Variants in MON2 observed in about 807,000 individuals in gnomAD.
MON2 encodes the protein protein MON2 homolog.
Under a neutral mutation model 208.6 loss-of-function variants are expected in MON2, and 84 were observed. The observed-to-expected ratio is 0.40, with a 90% CI of 0.34 to 0.48. The LOEUF (loss-of-function observed/expected upper bound fraction) is 0.48, where lower values mean the gene tolerates loss of function less well. Ranked by LOEUF, MON2 falls within the 20% of genes least tolerant of loss-of-function variation. The pLI, the probability that MON2 is intolerant of heterozygous loss-of-function variation, is 0.59. For missense variants in MON2, 1,611 were observed against 2,015.4 expected, an observed-to-expected ratio of 0.80 and a Z score of 3.84; for synonymous variants, 660 against 694.0, an observed-to-expected ratio of 0.95 and a Z score of 0.77.
At position 62,537,182 on chromosome 12, in the gene MON2, G is replaced by A; in HGVS notation, c.1932G>A (p.Met644Ile). Reference sequence around the variant, plus strand: ...CCGTTCAGGGCCAAAGTGTTATGATGATAAGTCCATCAAGTGAATCTCACC... The same window carrying A: ...CCGTTCAGGGCCAAAGTGTTATGATAATAAGTCCATCAAGTGAATCTCACC... ...SYSVQGQSVM[M>I]ISPSSESHQQ... The change falls in exon 15 of 35, where the codon ATG (methionine) becomes ATA (isoleucine). Residue 644 changes from methionine (M) to isoleucine (I), a missense_variant. Met to Ile is a conservative substitution (Grantham distance 10). Coordinates refer to ENST00000393630, the MANE Select transcript of MON2 (RefSeq NM_015026.3). The A allele has an allele frequency of 6.2e-7, 1 of 1,613,040 alleles. No individual in the cohort carries two copies.
Position 62,556,125 on chromosome 12 carries a change from G to T in MON2, c.3342G>T (p.Thr1114=). 6.2e-7 allele frequency: 1 copy of T among 1,614,026 alleles called. No homozygotes were observed. The highest frequency in any genetic ancestry group is 8.5e-7 in the Non-Finnish European group (1 of 1,180,010). ...RDTAEKQWAE[T]WVLTLAGVAR... is the part of the protein sequence containing the mutation. ...CCGCCGAGAAGCAATGGGCTGAGAC[G>T]TGGGTATTAACATTGGCTGGAGTAG... Residue 1114 remains threonine, a synonymous_variant, in exon 25 of 35, where the codon ACG becomes ACT. Coordinates refer to ENST00000393630, the MANE Select transcript of MON2 (RefSeq NM_015026.3).
rs376383538 is a variant in MON2, at chr12:62,495,012, A to G, written c.304-4A>G. ...TGACAATAATTAAAATAACTATTTTACAGACTGCAGCTGGAAATATAATTA... is the reference window on the plus strand; with the variant it reads ...TGACAATAATTAAAATAACTATTTTGCAGACTGCAGCTGGAAATATAATTA... On this transcript the variant is annotated splice_region_variant and splice_polypyrimidine_tract_variant and intron_variant, in intron 3 of 34. Transcript: ENST00000393630. 4 of 1,599,070 alleles carry G rather than the reference A, an allele frequency of 2.5e-6. No individual in the cohort carries two copies. Among genetic ancestry groups the G allele is most frequent in the Admixed American group, 1.7e-5 (1 of 58,854 alleles).
chr12:62,563,252 C>G (rs2074261548), intron 26 of MON2, among the ~76,000 whole-genome samples: 1 of 152,160 alleles, frequency 6.6e-6, no homozygotes. Context: ...AAGTCTACAA[C>G]TTTTTGCTTG....
In MON2 at chr12:62,594,774, A is replaced by T. The variant is rs2136531227; in HGVS notation, c.*2025A>T. Reference sequence around the variant, plus strand: ...AGGACCATGCCCTACAGTTCAAAACATAAACATAGTGAATGTGTTAATATC... The same window carrying T: ...AGGACCATGCCCTACAGTTCAAAACTTAAACATAGTGAATGTGTTAATATC... On this transcript the variant is annotated 3_prime_UTR_variant, in exon 35 of 35. Transcript: ENST00000393630. 6.6e-6 allele frequency: 1 copy of T among 152,356 alleles called. No individual in the cohort carries two copies. Among genetic ancestry groups the T allele is most frequent in the South Asian group, 2.1e-4 (1 of 4,830 alleles). The allele number at this position is 152,356 out of a possible 1,614,324, so 9.4% of individuals were successfully genotyped here. A position where few individuals can be genotyped will look rare whatever the true frequency, so the allele number is the denominator to read the frequency against.
At chr12:62,468,248 C>T (rs992168046) in intron 1 of MON2, among the ~76,000 whole-genome samples, 10 of 151,686 alleles carry the variant, frequency 6.6e-5, no homozygotes, top group African/African-American at 1.5e-4. Flanking sequence ...GTTGGTCAGG[C>T]GGGTCTCGAA....
At chr12:62,488,094 C>T (rs779007724) in intron 2 of MON2, among the ~76,000 whole-genome samples, 27 of 152,118 alleles carry the variant, frequency 1.8e-4, no homozygotes, top group Non-Finnish European at 3.1e-4. Context: ...TCATTGCTGC[C>T]TCTAGTATGT....
chr12:62,535,778 C>T, intron 14 of MON2, 69 bp downstream of exon 14: 1 of 1,234,552 alleles, frequency 8.1e-7, no homozygotes, highest in Non-Finnish European at 1.1e-6. Context: ...AGATTATAAA[C>T]ATCTGAGTTT....
At chr12:62,547,713 T>C (rs1332450990) in intron 22 of MON2, among the ~76,000 whole-genome samples, 2 of 152,152 alleles carry the variant, frequency 1.3e-5, no homozygotes, top group African/African-American at 2.4e-5. Context: ...TCCCATAAGA[T>C]TTTAATACTC....
chr12:62,549,854 A>G (rs1365223896), intron 23 of MON2, 24 bp downstream of exon 23: 5 of 1,417,636 alleles, frequency 3.5e-6, no homozygotes, highest in Admixed American at 4.6e-5. Flanking sequence ...TCCTTAGAAT[A>G]TAATATAATT....
rs1310478754 is a variant in MON2 at position 62,538,336 on chromosome 12, G to A, written c.2273+11G>A. 1 of 1,606,528 alleles carries A rather than the reference G, an allele frequency of 6.2e-7. No homozygotes were observed. Among genetic ancestry groups the A allele is most frequent in the Non-Finnish European group, 8.5e-7 (1 of 1,173,474 alleles). On this transcript the variant is annotated intron_variant, in intron 18 of 34. Coordinates refer to ENST00000393630, the MANE Select transcript of MON2 (RefSeq NM_015026.3). ...GTTTGAAAGCTCACAGTAAGAGTCA[G>A]TTTTTTTAATTGATAAAAACATTGT...
intron 11 of MON2, among the ~76,000 whole-genome samples, chr12:62,528,653 G>C (rs932461744): frequency 2.0e-5 from 3 of 152,086 alleles, no homozygotes; most frequent in African/African-American, 7.2e-5. Flanking sequence ...TGGAGAATTG[G>C]AGTTTCTGAT....
At position 62,585,469 on chromosome 12, in the gene MON2, T is replaced by C; in HGVS notation, c.4875T>C (p.Asp1625=). 6.2e-7 allele frequency: 1 copy of C among 1,611,630 alleles called. No homozygotes were observed. Among genetic ancestry groups the C allele is most frequent in the South Asian group, 1.1e-5 (1 of 90,808 alleles). Residue 1625 remains aspartate (D), a synonymous_variant, in exon 33 of 35, where the codon GAT becomes GAC. Coordinates refer to ENST00000393630, the MANE Select transcript of MON2 (RefSeq NM_015026.3). ...SQDVLHRYIE[D]ERLSGKCPLP... ...ATGTACTACATCGCTATATAGAGGA[T>C]GAAAGATTAAGTGGTAAATGCCCTC...
intron 6 of MON2, 45 bp downstream of exon 6, chr12:62,500,925 T>C (rs758292086): frequency 8.0e-7 from 1 of 1,242,404 alleles, no homozygotes; most frequent in South Asian, 1.5e-5. Context: ...AATATAGTTT[T>C]GTGTGAATTT....
Position 62,578,443 on chromosome 12 carries a change from A to G in MON2, c.4515-2A>G. 8.0e-7 allele frequency: 1 copy of G among 1,257,408 alleles called. No homozygotes were observed. The highest frequency in any genetic ancestry group is 1.5e-5 in the South Asian group (1 of 67,460). The allele number at this position is 1,257,408 out of a possible 1,614,324, so 77.9% of individuals were successfully genotyped here. On this transcript the variant is annotated splice_acceptor_variant, in intron 30 of 34. Transcript: ENST00000393630. LOFTEE classifies it high-confidence loss of function. ...TAAAAATCAAGTGTTTTTTTTTTTT[A>G]GCATACCTCCAGATAATCTCTCTAT...
At chr12:62,546,578 ACC>A (rs1262224973) in intron 21 of MON2, among the ~76,000 whole-genome samples, 1 of 151,888 alleles carries the variant, frequency 6.6e-6, no homozygotes, top group Non-Finnish European at 1.5e-5. Flanking sequence ...ACATGGTGAA[ACC>A]CCATCTCTAC....
chr12:62,562,075 C>T (rs1426719014), intron 26 of MON2, among the ~76,000 whole-genome samples: 2 of 151,996 alleles, frequency 1.3e-5, no homozygotes, highest in Non-Finnish European at 2.9e-5. Context: ...TAGTTTTCTA[C>T]AATTGAACTC....
intron 29 of MON2, among the ~76,000 whole-genome samples, chr12:62,569,317 A>G (rs2136393657): frequency 6.6e-6 from 1 of 152,302 alleles, no homozygotes; most frequent in Non-Finnish European, 1.5e-5. Context: ...CAAATGACAT[A>G]CACTCAGGCT....
At chr12:62,494,099 A>G in intron 3 of MON2, 57 bp downstream of exon 3, 6 of 1,475,464 alleles carry the variant, frequency 4.1e-6, no homozygotes, top group Non-Finnish European at 5.6e-6. Flanking sequence ...AGTTTTCATG[A>G]AAGGAGAATG....
intron 12 of MON2, among the ~76,000 whole-genome samples, chr12:62,534,542 A>AT (rs1306662466): frequency 6.1e-4 from 14 of 22,832 alleles, no homozygotes; most frequent in East Asian, 3.4e-3. Flanking sequence ...AAAAAAAAAA[A>AT]ATATATATAT....
Sources: gnomAD v4.1 joint callset for allele counts (sites outside exome capture counted in the v4.1 genomes callset) on GRCh38, gnomAD v4.1.1 for gene constraint, MANE v1.5 for transcripts, NCBI Gene and HGNC (gene_info 2026-07-23, HGNC 2026-07-21) for gene names.